RSU1: variants seen among roughly 807,000 people sequenced by gnomAD.
The protein encoded by RSU1 is Ras suppressor protein 1, also known as rsu-1.
A neutral mutation model predicts 31.1 loss-of-function variants in RSU1; 26 were observed. The ratio of observed to expected loss-of-function variants is 0.84; its 90% CI spans 0.61 to 1.16. The LOEUF (loss-of-function observed/expected upper bound fraction) is 1.16, where lower values mean the gene tolerates loss of function less well. RSU1 is among the 50% of genes most tolerant of loss of function. RSU1 has a pLI of 0.00. For synonymous variants in RSU1, 164 were observed against 136.3 expected (o/e 1.20, Z -1.41); for missense variants, 320 against 339.1 (o/e 0.94, Z 0.44).
chr10:16,594,037 G>C (rs975934041), intron 8 of RSU1, among the ~76,000 whole-genome samples: 5 of 152,234 alleles, frequency 3.3e-5, no homozygotes, highest in African/African-American at 1.2e-4. Context: ...TATAATTACG[G>C]TGGATGGCAT....
intron 8 of RSU1, among the ~76,000 whole-genome samples, chr10:16,678,529 C>T (rs1175252079): frequency 6.6e-6 from 1 of 152,174 alleles, no homozygotes; most frequent in Admixed American, 6.6e-5. Flanking sequence ...GACTTCCACA[C>T]AATCTTCAAA....
At chr10:16,646,823 CACA>C (rs61656220) in intron 8 of RSU1, among the ~76,000 whole-genome samples, 3,236 of 152,216 alleles carry the variant, frequency 0.021, 119 homozygotes, top group African/African-American at 0.073. Flanking sequence ...AAATCAAAAC[CACA>C]ACGAGACATC....
intron 7 of RSU1, among the ~76,000 whole-genome samples, chr10:16,726,841 T>G (rs1306777400): frequency 6.6e-6 from 1 of 152,144 alleles, no homozygotes; most frequent in African/African-American, 2.4e-5. Flanking sequence ...CCTCTTTATT[T>G]ACTATCTGTA....
At position 16,775,757 on chromosome 10, in the gene RSU1, T is replaced by C. The variant is rs181152562; in HGVS notation, c.160+6277A>G. ...TACCGGTACCATCAGATAGATATTG[T>C]TTAATTAATAGCTGTTAGACTCAAA... On this transcript the variant is annotated intron_variant, in intron 3 of 8. Coordinates refer to ENST00000345264, the MANE Select transcript of RSU1 (RefSeq NM_012425.4). Among the ~76,000 whole-genome samples, 174 of 152,326 alleles carry C rather than the reference T, an allele frequency of 1.1e-3. 1 individual carries two copies. Among genetic ancestry groups the C allele is most frequent in the Middle Eastern group, 6.8e-3 (2 of 294 alleles).
chr10:16,804,757 G>A (rs1309751349), intron 2 of RSU1, among the ~76,000 whole-genome samples: 1 of 152,176 alleles, frequency 6.6e-6, no homozygotes, highest in East Asian at 1.9e-4. Flanking sequence ...ATGACATTCT[G>A]GAAAGGGTAA....
chr10:16,694,455 T>C (rs1187452116), intron 8 of RSU1, among the ~76,000 whole-genome samples: 2 of 152,212 alleles, frequency 1.3e-5, no homozygotes, highest in African/African-American at 2.4e-5. Context: ...CTTAGTGCCA[T>C]GAATATTCAA....
chr10:16,774,463 G>T (rs1428777213), intron 3 of RSU1, among the ~76,000 whole-genome samples: 2 of 152,124 alleles, frequency 1.3e-5, no homozygotes, highest in African/African-American at 4.8e-5. Context: ...CCAGCTACTA[G>T]GGAGGCTGAG....
chr10:16,761,205 A>G (rs1180126796), intron 4 of RSU1, among the ~76,000 whole-genome samples: 1 of 152,162 alleles, frequency 6.6e-6, no homozygotes, highest in Non-Finnish European at 1.5e-5. Context: ...AGCCTCTCAA[A>G]CTTCTGGAAC....
intron 2 of RSU1, among the ~76,000 whole-genome samples, chr10:16,783,459 G>A (rs865787015): frequency 2.1e-5 from 3 of 146,002 alleles, no homozygotes; most frequent in South Asian, 2.2e-4. Flanking sequence ...AAGTTCAAGC[G>A]ATTCTCCTGC....
At chr10:16,789,907 T>C (rs2131659419) in intron 2 of RSU1, among the ~76,000 whole-genome samples, 1 of 152,286 alleles carries the variant, frequency 6.6e-6, no homozygotes, top group East Asian at 1.9e-4. Context: ...TAAGAAAACG[T>C]GTTGACGTGC....
intron 8 of RSU1, among the ~76,000 whole-genome samples, chr10:16,637,630 A>G (rs1834366214): frequency 6.6e-6 from 1 of 152,130 alleles, no homozygotes; most frequent in Non-Finnish European, 1.5e-5. Flanking sequence ...ATGCTGGAAA[A>G]GCAGAGCATG....
At chr10:16,763,679 C>T (rs777711475) in intron 4 of RSU1, among the ~76,000 whole-genome samples, 4 of 152,128 alleles carry the variant, frequency 2.6e-5, no homozygotes, top group Non-Finnish European at 5.9e-5. Flanking sequence ...CCAGCTTGGC[C>T]GCTAACCTCA....
At chr10:16,750,464 T>C (rs1193636425) in intron 7 of RSU1, among the ~76,000 whole-genome samples, 1 of 152,226 alleles carries the variant, frequency 6.6e-6, no homozygotes, top group East Asian at 1.9e-4. Flanking sequence ...TGAACAAATA[T>C]GACCTCATGC....
intron 2 of RSU1, among the ~76,000 whole-genome samples, chr10:16,783,802 A>G (rs1319038018): frequency 2.6e-5 from 4 of 152,130 alleles, no homozygotes; most frequent in African/African-American, 9.7e-5. Flanking sequence ...TCTATGGTAT[A>G]TCTCCTACAA....
intron 2 of RSU1, among the ~76,000 whole-genome samples, chr10:16,811,954 C>A (rs1255830317): frequency 6.6e-6 from 1 of 152,168 alleles, no homozygotes; most frequent in Non-Finnish European, 1.5e-5. Flanking sequence ...TCTCGAGGGG[C>A]CTCCTTGAGG....
chr10:16,757,473 T>C (rs1445461876), intron 4 of RSU1, among the ~76,000 whole-genome samples: 1 of 152,154 alleles, frequency 6.6e-6, no homozygotes, highest in Non-Finnish European at 1.5e-5. Context: ...CCAGCAAAAC[T>C]ACCTCCACGA....
At chr10:16,796,866 C>T (rs1416337036) in intron 2 of RSU1, among the ~76,000 whole-genome samples, 2 of 152,030 alleles carry the variant, frequency 1.3e-5, no homozygotes. Context: ...CAAAAAACTC[C>T]AAAATACAAG....
At chr10:16,740,004 T>C (rs1461385636) in intron 7 of RSU1, among the ~76,000 whole-genome samples, 1 of 152,130 alleles carries the variant, frequency 6.6e-6, no homozygotes, top group Admixed American at 6.6e-5. Context: ...CAATTCATAA[T>C]TCAAAACTTT....
intron 3 of RSU1, among the ~76,000 whole-genome samples, chr10:16,778,589 G>A (rs1191672908): frequency 6.6e-6 from 1 of 152,200 alleles, no homozygotes; most frequent in African/African-American, 2.4e-5. Flanking sequence ...CCATGCTAGA[G>A]TTAAAGAGTC....
Sources: gnomAD v4.1 joint callset for allele counts (sites outside exome capture counted in the v4.1 genomes callset) on GRCh38, gnomAD v4.1.1 for gene constraint, MANE v1.5 for transcripts, NCBI Gene and HGNC (gene_info 2026-07-23, HGNC 2026-07-21) for gene names.